The following LRP1 variants were observed in gnomAD, a reference collection of about 807,000 sequenced individuals.
The protein encoded by LRP1 is LDL receptor related protein 1.
A neutral mutation model predicts 541.5 loss-of-function variants in LRP1; 51 were observed. That is an observed-to-expected ratio of 0.09 (90% CI 0.08 to 0.12). LRP1 has a LOEUF of 0.12. Among genes scored for constraint, LRP1 ranks in the 10% least tolerant of loss-of-function variants. The pLI is 1.00. For missense variants in LRP1, 3,878 were observed against 6,376.2 expected (o/e 0.61, Z 13.34); for synonymous variants, 2,219 against 2,470.8 (o/e 0.90, Z 3.02).
At chr12:57,134,220 T>C (rs1321052348) in intron 1 of LRP1, among the ~76,000 whole-genome samples, 1 of 152,162 alleles carries the variant, frequency 6.6e-6, no homozygotes, top group African/African-American at 2.4e-5. Context: ...CCCTGTGTCC[T>C]GGTGTTCTTC....
At chr12:57,163,046 G>C in intron 15 of LRP1, 63 bp downstream of exon 15, 1 of 1,527,296 alleles carries the variant, frequency 6.5e-7, no homozygotes, top group Middle Eastern at 2.1e-4. Flanking sequence ...GCCGAAGAGT[G>C]GGGAGGGGAG....
chr12:57,156,334 T>C lies in LRP1; in HGVS notation c.1417+51T>C, dbSNP rs759801028. ...AAAGCTGGCTTTACCCCATGATGGC[T>C]CTGGGACCTTGGGATCACAGCCCCT... On this transcript the variant is annotated intron_variant, in intron 9 of 88. Transcript: ENST00000243077. This position sits in a 1 kb window ranked among gnomAD's most constrained non-coding sequence, Gnocchi z 5.2. The C allele has an allele frequency of 3.8e-5, 60 of 1,570,794 alleles. No homozygotes were observed. Among genetic ancestry groups the C allele is most frequent in the Middle Eastern group, 1.9e-4 (1 of 5,228 alleles).
Position 57,156,248 on chromosome 12 carries a change from C to A in LRP1, c.1382C>A (p.Ala461Asp). ...QVVTRVDKGGALHIYHQRRQP... is the reference protein window; with the variant it reads ...QVVTRVDKGGDLHIYHQRRQP... ...GTCACCCGGGTGGACAAGGGTGGTG[C>A]CCTCCACATCTACCACCAGAGGCGT... The change falls in exon 9 of 89, where the codon GCC (alanine) becomes GAC (aspartate). Residue 461 changes from alanine (A) to aspartate (D), a missense_variant. Transcript: ENST00000243077. This position sits in a 1 kb window ranked among gnomAD's most constrained non-coding sequence, Gnocchi z 5.2. 6.2e-7 allele frequency: 1 copy of A among 1,614,132 alleles called. No homozygotes were observed. The highest frequency in any genetic ancestry group is 8.5e-7 in the Non-Finnish European group (1 of 1,180,020).
In LRP1 at chr12:57,184,494, T is replaced by A. The variant is rs1435704321; in HGVS notation, c.6186+42T>A. ...GGCCTTGGATCCGATGGTAGACCCCTGACCCAGGCTCCTGTTCCCTGTGAT... is the reference window on the plus strand; with the variant it reads ...GGCCTTGGATCCGATGGTAGACCCCAGACCCAGGCTCCTGTTCCCTGTGAT... On this transcript the variant is annotated intron_variant, in intron 38 of 88. Transcript: ENST00000243077. The surrounding 1 kb of genome is among the most constrained non-coding windows in gnomAD (Gnocchi z 7.8). The A allele has an allele frequency of 6.2e-7, 1 of 1,612,438 alleles. No homozygotes were observed. Among genetic ancestry groups the A allele is most frequent in the Non-Finnish European group, 8.5e-7 (1 of 1,179,344 alleles).
chr12:57,159,196 T>G (rs1237233269), intron 11 of LRP1, among the ~76,000 whole-genome samples: 3 of 152,202 alleles, frequency 2.0e-5, no homozygotes, highest in African/African-American at 7.2e-5. Flanking sequence ...AATCTGCACT[T>G]GGGCCTCAGG....
intron 1 of LRP1, among the ~76,000 whole-genome samples, chr12:57,130,761 G>A (rs1005180740): frequency 6.6e-6 from 1 of 152,094 alleles, no homozygotes; most frequent in Non-Finnish European, 1.5e-5. Flanking sequence ...GGGCTCTAAA[G>A]GAGTTCTATT....
At chr12:57,203,048 C>A in intron 68 of LRP1, 133 bp from the exon 69 acceptor site, 1 of 681,036 alleles carries the variant, frequency 1.5e-6, no homozygotes, top group South Asian at 1.9e-5. Flanking sequence ...CCAGGACTGG[C>A]TCGGCCTCTG....
chr12:57,176,311 A>G (rs1459570791), intron 24 of LRP1, among the ~76,000 whole-genome samples: 1 of 152,266 alleles, frequency 6.6e-6, no homozygotes, highest in Non-Finnish European at 1.5e-5. Flanking sequence ...CTGATAATTA[A>G]CAAAATGATC....
chr12:57,143,501 G>A (rs1251774790), intron 3 of LRP1, among the ~76,000 whole-genome samples, 178 bp from the exon 4 acceptor site: 1 of 152,172 alleles, frequency 6.6e-6, no homozygotes, highest in African/African-American at 2.4e-5. Context: ...AGCCTCTCTG[G>A]GCTTCAGTTT....
intron 6 of LRP1, among the ~76,000 whole-genome samples, chr12:57,147,964 C>A (rs371323866): frequency 3.3e-5 from 5 of 152,178 alleles, no homozygotes; most frequent in Non-Finnish European, 5.9e-5. Context: ...ATTACCTCCC[C>A]CTCCCCTCTG....
chr12:57,206,613 G>A lies in LRP1; in HGVS notation c.11731G>A (p.Ala3911Thr), dbSNP rs1196169664. 1.9e-6 allele frequency: 3 copies of A among 1,614,188 alleles called. No homozygotes were observed. Among genetic ancestry groups the A allele is most frequent in the African/African-American group, 2.7e-5 (2 of 75,058 alleles). Residue 3911 changes from alanine to threonine, a missense_variant, in exon 76 of 89, where the codon GCT becomes ACT. Physicochemically the swap from Ala to Thr is moderately conservative, Grantham distance 58. Coordinates refer to ENST00000243077, the MANE Select transcript of LRP1 (RefSeq NM_002332.3). This position sits in a 1 kb window ranked among gnomAD's most constrained non-coding sequence, Gnocchi z 4.7. ...TGATGCTATGGATGTCCATGTCAAG[G>A]CTGGCCGTGTCTATTGGACCAACTG... ...RIDAMDVHVK[A>T]GRVYWTNWHT...
At position 57,212,417 on chromosome 12, in the gene LRP1, C is replaced by A. The variant is rs2036937616; in HGVS notation, c.13497C>A (p.Pro4499=). ...CTGAACCCTCTGTCACCCTGCAGCCCACCAACTTCACCAACCCCGTGTATG... is the reference window on the plus strand; with the variant it reads ...CTGAACCCTCTGTCACCCTGCAGCCAACCAACTTCACCAACCCCGTGTATG... ...DADFALDPDK[P]TNFTNPVYAT... Residue 4499 remains proline (P), a splice_region_variant and synonymous_variant, in exon 89 of 89, where the codon CCC becomes CCA. Transcript: ENST00000243077. This position sits in a 1 kb window ranked among gnomAD's most constrained non-coding sequence, Gnocchi z 5.0. The A allele has an allele frequency of 1.2e-6, 2 of 1,613,964 alleles. No homozygotes were observed. The highest frequency in any genetic ancestry group is 2.7e-5 in the African/African-American group (2 of 74,918).
intron 19 of LRP1, among the ~76,000 whole-genome samples, chr12:57,167,838 C>T (rs777516297): frequency 1.3e-5 from 2 of 152,214 alleles, no homozygotes; most frequent in Non-Finnish European, 2.9e-5. Context: ...AAGGAGAAAC[C>T]GGTGCCTGAC....
At chr12:57,163,969 G>A (rs993343244) in intron 15 of LRP1, among the ~76,000 whole-genome samples, 31 of 152,096 alleles carry the variant, frequency 2.0e-4, no homozygotes, top group Admixed American at 2.0e-4. Flanking sequence ...TCAGGAGTTC[G>A]AGACCAGCCT....
At position 57,128,498 on chromosome 12, in the gene LRP1, A is replaced by C; in HGVS notation, c.-467A>C. On this transcript the variant is annotated 5_prime_UTR_variant, in exon 1 of 89. Coordinates refer to ENST00000243077, the MANE Select transcript of LRP1 (RefSeq NM_002332.3). ...CCCCCTCGGCACTTCAGTCCGGGGAACAGCGGTGCGAGCTCCAGGCCCATG... is the reference window on the plus strand; with the variant it reads ...CCCCCTCGGCACTTCAGTCCGGGGACCAGCGGTGCGAGCTCCAGGCCCATG... 7 of 148,388 alleles carry C rather than the reference A, an allele frequency of 4.7e-5. No individual in the cohort carries two copies. The highest frequency in any genetic ancestry group is 7.1e-5 in the Non-Finnish European group (5 of 70,348). 9.2% of individuals were successfully genotyped at this position (148,388 alleles called of 1,614,324 possible). A position where few individuals can be genotyped will look rare whatever the true frequency, so the allele number is the denominator to read the frequency against.
In LRP1 at chr12:57,163,019, G is replaced by C. The variant is rs61937577; in HGVS notation, c.2530+36G>C. The stretch of plus-strand genomic sequence containing the variant: ...CCTGGCTGGGTGGGAGTGGGAAGCA[G>C]ACCCCATCAGGAGGATGCCGAAGAG... On this transcript the variant is annotated intron_variant, in intron 15 of 88. Coordinates refer to ENST00000243077, the MANE Select transcript of LRP1 (RefSeq NM_002332.3). 7 of 1,578,556 alleles carry C rather than the reference G, an allele frequency of 4.4e-6. No individual in the cohort carries two copies. The African/African-American group carries it at 8.0e-5, about 18-fold the overall frequency.
intron 41 of LRP1, among the ~76,000 whole-genome samples, chr12:57,186,416 T>A: frequency 6.6e-6 from 1 of 152,226 alleles, no homozygotes; most frequent in East Asian, 1.9e-4. Context: ...TTCAGCTCTT[T>A]GAAAACTGCA....
intron 1 of LRP1, among the ~76,000 whole-genome samples, chr12:57,137,252 A>C (rs1298982541): frequency 5.9e-5 from 9 of 151,862 alleles, no homozygotes; most frequent in East Asian, 3.9e-4. Flanking sequence ...AAAAAAAAAA[A>C]AAAAACAACA....
chr12:57,148,976 T>G lies in LRP1; in HGVS notation c.841+3486T>G, dbSNP rs757626233. On this transcript the variant is annotated intron_variant, in intron 6 of 88. Coordinates refer to ENST00000243077, the MANE Select transcript of LRP1 (RefSeq NM_002332.3). ...TCCCTTTCTTTTATTTATTTATTTTTTTAGTGTGTGTGTTTTCGAAATCAC... is the reference window on the plus strand; with the variant it reads ...TCCCTTTCTTTTATTTATTTATTTTGTTAGTGTGTGTGTTTTCGAAATCAC... The G allele has an allele frequency of 6.4e-6, 4 of 628,286 alleles. No homozygotes were observed. The Admixed American group carries it at 1.0e-4, about 16-fold the overall frequency. The allele number at this position is 628,286 out of a possible 1,614,324, so 38.9% of individuals were successfully genotyped here.
Sources: allele counts gnomAD v4.1 joint callset (sites outside exome capture counted in the v4.1 genomes callset), GRCh38; gene constraint gnomAD v4.1.1; non-coding constraint Gnocchi (gnomAD v3.1); transcripts MANE v1.5; gene names NCBI Gene and HGNC (gene_info 2026-07-23, HGNC 2026-07-21).